Variants in INF2 observed in about 807,000 individuals in gnomAD.
The protein encoded by INF2 is inverted formin 2.
INF2 carries 43 observed loss-of-function variants against 123.5 expected under a neutral mutation model. The observed-to-expected ratio is 0.35, with a 90% CI of 0.27 to 0.45. INF2 has a LOEUF of 0.45. Ranked by LOEUF, INF2 falls within the 20% of genes least tolerant of loss-of-function variation. The pLI is 1.00. For synonymous variants in INF2, 851 were observed against 745.0 expected, an observed-to-expected ratio of 1.14 and a Z score of -2.32; for missense variants, 1,453 against 1,682.7, an observed-to-expected ratio of 0.86 and a Z score of 2.39.
At chr14:104,718,325 C>T (rs73358700) in intron 22 of INF2, among the ~76,000 whole-genome samples, 4,291 of 152,208 alleles carry the variant, frequency 0.028, 158 homozygotes, top group African/African-American at 0.08. Context: ...GTGTGGGGGC[C>T]GTCTGGGTGG....
chr14:104,701,542 C>G lies in INF2; in HGVS notation c.177C>G (p.Gly59=), dbSNP rs1312357497. Residue 59 remains glycine, a synonymous_variant, in exon 2 of 23, where the codon GGC becomes GGG. Transcript: ENST00000392634. ...NYSGLRKRLE[G]SDGGWMVQFL... ...CCGGCCTGCGCAAGCGCCTGGAGGGCAGCGACGGCGGCTGGATGGTGCAGT... is the reference window on the plus strand; with the variant it reads ...CCGGCCTGCGCAAGCGCCTGGAGGGGAGCGACGGCGGCTGGATGGTGCAGT... The G allele has an allele frequency of 6.2e-7, 1 of 1,608,372 alleles. No individual in the cohort carries two copies. Among genetic ancestry groups the G allele is most frequent in the Non-Finnish European group, 8.5e-7 (1 of 1,178,574 alleles).
upstream of INF2, among the ~76,000 whole-genome samples, chr14:104,685,220 G>A (rs191095564): frequency 2.6e-4 from 40 of 152,240 alleles, no homozygotes; most frequent in African/African-American, 9.1e-4. Flanking sequence ...CCCACCCACC[G>A]TCCCTTCTAA....
At chr14:104,698,521 G>A (rs2140626146) in intron 1 of INF2, among the ~76,000 whole-genome samples, 1 of 152,364 alleles carries the variant, frequency 6.6e-6, no homozygotes, top group East Asian at 1.9e-4. Context: ...GCTCGGGGAT[G>A]CCCTGAGAGA....
At position 104,706,981 on chromosome 14, in the gene INF2, C is replaced by T; in HGVS notation, c.915C>T (p.Leu305=). The T allele has an allele frequency of 6.3e-7, 1 of 1,599,762 alleles. No homozygotes were observed. The highest frequency in any genetic ancestry group is 8.5e-7 in the Non-Finnish European group (1 of 1,178,818). The change falls in exon 7 of 23, where the codon CTC becomes CTT. Residue 305 remains leucine (L), a synonymous_variant. Transcript: ENST00000392634. ...LQGLLHLEPT[L]RSSQLLWEAL... ...GCCTCCTGCACCTGGAGCCCACCCT[C>T]CGCTCCAGCCAGCTGCTCTGGGAGG... is the stretch of plus-strand genomic sequence containing the variant.
intron 8 of INF2, 165 bp downstream of exon 8, chr14:104,708,167 G>T (rs1022761874): frequency 3.4e-6 from 4 of 1,161,350 alleles, no homozygotes; most frequent in Non-Finnish European, 3.6e-6. Context: ...TTGAGGTGGG[G>T]ACGGGGGAGG....
intron 1 of INF2, among the ~76,000 whole-genome samples, chr14:104,692,492 T>A (rs1372905067): frequency 6.6e-6 from 1 of 152,154 alleles, no homozygotes; most frequent in Non-Finnish European, 1.5e-5. Context: ...CCCTTGTTGC[T>A]ACCACTGGGG....
upstream of INF2, chr14:104,689,587 T>TCCAGCCC: frequency 1.2e-6 from 1 of 851,066 alleles, no homozygotes; most frequent in Non-Finnish European, 1.4e-6. Context: ...CACCTCCTCT[T>TCCAGCCC]CCTCCCGCCC....
At position 104,691,470 on chromosome 14, in the gene INF2, G is replaced by A. The variant is rs181027734; in HGVS notation, c.-10+1731G>A. ...CAGGAATGAGACCTGACTCCCTGCT[G>A]CCAGCCCCTCCCCTACCTCCATCTT... On this transcript the variant is annotated intron_variant, in intron 1 of 22. Coordinates refer to ENST00000392634, the MANE Select transcript of INF2 (RefSeq NM_022489.4). 8.5e-5 allele frequency among the ~76,000 whole-genome samples: 13 copies of A among 152,306 alleles called. No homozygotes were observed. The East Asian group carries it at 2.5e-3, about 29-fold the overall frequency.
rs568862091 is a variant in INF2 at position 104,702,560 on chromosome 14, G to A, written c.392-545G>A. On this transcript the variant is annotated intron_variant, in intron 2 of 22. Coordinates refer to ENST00000392634, the MANE Select transcript of INF2 (RefSeq NM_022489.4). ...TGATGGGCGGGGCTGGGCCCATGGG[G>A]GCGGCAGTTACCTGTGCAGGCAAGC... 3.9e-5 allele frequency among the ~76,000 whole-genome samples: 6 copies of A among 152,370 alleles called. No individual in the cohort carries two copies. The South Asian group carries it at 1.2e-3, about 32-fold the overall frequency.
chr14:104,691,507 G>A (rs1164224018), intron 1 of INF2, among the ~76,000 whole-genome samples: 1 of 152,194 alleles, frequency 6.6e-6, no homozygotes, highest in African/African-American at 2.4e-5. Flanking sequence ...CAAACAGCAG[G>A]TGTCTGATAG....
chr14:104,713,265 C>CGGA lies in INF2; in HGVS notation c.2843_2845dup (p.Glu948dup). 3.9e-6 allele frequency: 6 copies of CGGA among 1,551,222 alleles called. No individual in the cohort carries two copies. Among genetic ancestry groups the CGGA allele is most frequent in the Non-Finnish European group, 5.2e-6 (6 of 1,148,028 alleles). On this transcript the variant is annotated inframe_insertion, in exon 19 of 23. Transcript: ENST00000392634. ...GCAGAGAGGAGGAAGCAGCAGCTGG[C>CGGA]GGAGGAGGAGGCGCGGCGGCCTCGG...
chr14:104,695,060 G>A (rs1256140152), intron 1 of INF2, among the ~76,000 whole-genome samples: 1 of 152,138 alleles, frequency 6.6e-6, no homozygotes, highest in African/African-American at 2.4e-5. Flanking sequence ...GGTCCGGGGG[G>A]AGGAAACCCA....
chr14:104,706,313 G>A, intron 6 of INF2, 137 bp downstream of exon 6: 1 of 945,158 alleles, frequency 1.1e-6, no homozygotes. Flanking sequence ...CCAGCTTTGG[G>A]GTGAGACTCC....
chr14:104,716,335 G>A (rs1471267589), intron 22 of INF2, among the ~76,000 whole-genome samples: 1 of 152,266 alleles, frequency 6.6e-6, no homozygotes, highest in Non-Finnish European at 1.5e-5. Flanking sequence ...CTCGCTGTTG[G>A]GGCACGGCCT....
intron 1 of INF2, among the ~76,000 whole-genome samples, chr14:104,700,506 C>T (rs1202528546): frequency 1.3e-5 from 2 of 152,166 alleles, no homozygotes; most frequent in African/African-American, 4.8e-5. Flanking sequence ...ATGCCCCTGA[C>T]CTTCGAGGCC....
intron 15 of INF2, 58 bp from the exon 16 acceptor site, chr14:104,711,571 T>G (rs1031297600): frequency 1.6e-5 from 24 of 1,485,770 alleles, no homozygotes; most frequent in East Asian, 2.3e-5. Flanking sequence ...GGGAACAGGG[T>G]CATCCCCAGG....
rs117034570 is a variant in INF2, at chr14:104,708,385, G to A, written c.1736-51G>A. Reference sequence around the variant, plus strand: ...GGCTCCAGCCCCTGCCTGCTGGATCGCCAGGCCCCGGGGCTGCGAGAGCCT... The same window carrying A: ...GGCTCCAGCCCCTGCCTGCTGGATCACCAGGCCCCGGGGCTGCGAGAGCCT... On this transcript the variant is annotated intron_variant, in intron 8 of 22. Coordinates refer to ENST00000392634, the MANE Select transcript of INF2 (RefSeq NM_022489.4). 0.075 allele frequency: 119,738 copies of A among 1,600,138 alleles called. 5,096 individuals carry two copies. The highest frequency in any genetic ancestry group is 0.11 in the Middle Eastern group (472 of 4,464).
intron 22 of INF2, among the ~76,000 whole-genome samples, chr14:104,718,403 G>A (rs1295021932): frequency 2.0e-5 from 3 of 152,162 alleles, no homozygotes; most frequent in Non-Finnish European, 1.5e-5. Flanking sequence ...TGGGGTCCTC[G>A]TGTGGGGCCC....
chr14:104,681,227 G>A (rs1888519520), exon 1 of INF2: 1 of 341,780 alleles, frequency 2.9e-6, no homozygotes, highest in Non-Finnish European at 5.8e-6. Flanking sequence ...AAAAAGCAGG[G>A]GTAGGGAAGG....
Sources: gnomAD v4.1 joint callset for allele counts (sites outside exome capture counted in the v4.1 genomes callset) on GRCh38, gnomAD v4.1.1 for gene constraint, MANE v1.5 for transcripts, NCBI Gene and HGNC (gene_info 2026-07-23, HGNC 2026-07-21) for gene names.